Variants in SNX10 observed in about 807,000 individuals in gnomAD.
SNX10 encodes the protein sorting nexin-10.
Under a neutral mutation model 28.5 loss-of-function variants are expected in SNX10, and 25 were observed. The observed-to-expected ratio is 0.88, with a 90% CI of 0.64 to 1.22. The LOEUF (loss-of-function observed/expected upper bound fraction) is 1.22, where lower values mean the gene tolerates loss of function less well. Among genes scored for constraint, SNX10 ranks in the 50% most tolerant of loss-of-function variants. The pLI, the probability that SNX10 is intolerant of heterozygous loss-of-function variation, is 0.00. For synonymous variants in SNX10, 62 were observed against 81.4 expected (o/e 0.76, Z 1.28); for missense variants, 223 against 242.6 (o/e 0.92, Z 0.54).
At chr7:26,315,262 C>A (rs4722590) in intron 1 of SNX10, among the ~76,000 whole-genome samples, 51,358 of 152,072 alleles carry the variant, frequency 0.34, 10,713 homozygotes, top group South Asian at 0.48. Context: ...TTCTAGATAA[C>A]TATAATGCCA....
chr7:26,364,634 G>A lies in SNX10; in HGVS notation c.211G>A (p.Val71Ile), dbSNP rs772143708. Reference sequence around the variant, plus strand: ...GAGACTCCAAAGTAATGCGTTGCTGGTGTAAGTGATTTAGAGTATACTGTG... The same window carrying A: ...GAGACTCCAAAGTAATGCGTTGCTGATGTAAGTGATTTAGAGTATACTGTG... Reference protein sequence around the residue: ...RQRLQSNALLVQLPELPSKNL... With the variant: ...RQRLQSNALLIQLPELPSKNL... The change falls in exon 4 of 7, where the codon GTA (valine) becomes ATA (isoleucine). Residue 71 changes from valine (V) to isoleucine (I), a missense_variant and splice_region_variant. By Grantham distance (29) the Val-to-Ile change is conservative. Transcript: ENST00000338523. This position sits in a 1 kb window ranked among gnomAD's most constrained non-coding sequence, Gnocchi z 4.9. 7 of 1,607,226 alleles carry A rather than the reference G, an allele frequency of 4.4e-6. No individual in the cohort carries two copies. Among genetic ancestry groups the A allele is most frequent in the Non-Finnish European group, 6.0e-6 (7 of 1,173,962 alleles).
intron 1 of SNX10, among the ~76,000 whole-genome samples, chr7:26,325,329 T>TATATATATATATATATATATG (rs1345177484): frequency 6.7e-5 from 1 of 14,970 alleles, no homozygotes; most frequent in Non-Finnish European, 2.9e-4. Context: ...ATATATATAT[T>TATATATATATATATATATATG]TGAGATGGAG....
chr7:26,315,686 A>G (rs1259420317), intron 1 of SNX10, among the ~76,000 whole-genome samples: 1 of 152,054 alleles, frequency 6.6e-6, no homozygotes, highest in Non-Finnish European at 1.5e-5. Context: ...AAAAAATTGC[A>G]AAATACTTGA....
intron 2 of SNX10, among the ~76,000 whole-genome samples, chr7:26,350,496 G>A (rs145325030): frequency 2.0e-5 from 3 of 152,210 alleles, no homozygotes; most frequent in African/African-American, 7.2e-5. Flanking sequence ...TTTGATATTC[G>A]GAAACTGACT....
At chr7:26,370,210 C>T (rs949350925) in intron 5 of SNX10, among the ~76,000 whole-genome samples, 3 of 152,184 alleles carry the variant, frequency 2.0e-5, no homozygotes, top group Non-Finnish European at 1.5e-5. Context: ...GATCCAAGTT[C>T]GTATTAATGG....
chr7:26,295,686 C>G (rs1786080325), intron 1 of SNX10, among the ~76,000 whole-genome samples: 1 of 152,188 alleles, frequency 6.6e-6, no homozygotes, highest in Non-Finnish European at 1.5e-5. Context: ...CCAGAGACCC[C>G]CAGCTCTCTC....
intron 1 of SNX10, among the ~76,000 whole-genome samples, chr7:26,296,025 C>A (rs536807697): frequency 6.6e-6 from 1 of 152,294 alleles, no homozygotes; most frequent in Admixed American, 6.5e-5. Flanking sequence ...GTCCCAGTTA[C>A]TTAAGAGGCT....
intron 1 of SNX10, among the ~76,000 whole-genome samples, chr7:26,345,849 A>G (rs1035882302): frequency 6.6e-6 from 1 of 152,322 alleles, no homozygotes; most frequent in Middle Eastern, 3.4e-3. Context: ...TGACAACCCC[A>G]GAGACATGCA....
intron 2 of SNX10, among the ~76,000 whole-genome samples, chr7:26,346,880 A>G (rs529614577): frequency 6.6e-6 from 1 of 152,314 alleles, no homozygotes; most frequent in East Asian, 1.9e-4. Context: ...TTGGTTTCAT[A>G]CAACACTGGC....
rs6966124 is a variant in SNX10, at chr7:26,328,077, G to A, written c.-23-18343G>A. ...AATCATTTACTGAACCACTTGCTAAGTATGTTGGGCCCTACCAATGGAATG... is the reference window on the plus strand; with the variant it reads ...AATCATTTACTGAACCACTTGCTAAATATGTTGGGCCCTACCAATGGAATG... On this transcript the variant is annotated intron_variant, in intron 1 of 6. Coordinates refer to ENST00000338523, the MANE Select transcript of SNX10 (RefSeq NM_013322.3). Among the ~76,000 whole-genome samples the A allele has an allele frequency of 3.6e-3, 552 of 152,250 alleles. 3 individuals are homozygous for A. Among genetic ancestry groups the A allele is most frequent in the African/African-American group, 0.013 (527 of 41,538 alleles).
At chr7:26,324,487 G>A (rs1404213686) in intron 1 of SNX10, among the ~76,000 whole-genome samples, 1 of 152,178 alleles carries the variant, frequency 6.6e-6, no homozygotes, top group East Asian at 1.9e-4. Context: ...AGCCTCCCAA[G>A]TAACTGGGAC....
At chr7:26,365,523 A>G (rs1301680971) in intron 5 of SNX10, among the ~76,000 whole-genome samples, 1 of 152,246 alleles carries the variant, frequency 6.6e-6, no homozygotes, top group Non-Finnish European at 1.5e-5. Flanking sequence ...CTTAGAATTT[A>G]CAGACCAAAA....
chr7:26,312,014 G>C (rs1048303412), intron 1 of SNX10, among the ~76,000 whole-genome samples: 7 of 152,062 alleles, frequency 4.6e-5, no homozygotes, highest in African/African-American at 1.7e-4. Flanking sequence ...GTCTTGCACT[G>C]CCTGCCTCGT....
chr7:26,326,411 G>C (rs1229564866), intron 1 of SNX10, among the ~76,000 whole-genome samples: 1 of 152,040 alleles, frequency 6.6e-6, no homozygotes, highest in African/African-American at 2.4e-5. Context: ...CTCCCCATCC[G>C]AGTCCAGTGA....
At chr7:26,317,670 T>C (rs1263106745) in intron 1 of SNX10, among the ~76,000 whole-genome samples, 1 of 149,496 alleles carries the variant, frequency 6.7e-6, no homozygotes, top group East Asian at 1.9e-4. Context: ...TTTTTTTTTT[T>C]TTTTTTTTTT....
chr7:26,346,459 A>T lies in SNX10; in HGVS notation c.17A>T (p.Gln6Leu), dbSNP rs746225375. The T allele has an allele frequency of 1.2e-6, 2 of 1,607,204 alleles. No individual in the cohort carries two copies. The highest frequency in any genetic ancestry group is 1.7e-6 in the Non-Finnish European group (2 of 1,173,680). MFPEQ[Q>L]KEEFVSVWVR... ...GTGCTGAAGATGTTTCCGGAACAAC[A>T]GAAAGAGGTATGTCATCACAAATCC... Residue 6 changes from glutamine to leucine, a missense_variant, in exon 2 of 7, where the codon CAG (glutamine) becomes CTG (leucine). By Grantham distance (113) the Gln-to-Leu change is moderately radical (BLOSUM62 -2). Transcript: ENST00000338523.
intron 3 of SNX10, among the ~76,000 whole-genome samples, chr7:26,363,992 G>A (rs1339872808): frequency 6.6e-6 from 1 of 152,132 alleles, no homozygotes; most frequent in African/African-American, 2.4e-5. Context: ...TGGCTCGGAC[G>A]GACACGCTCC....
intron 1 of SNX10, among the ~76,000 whole-genome samples, chr7:26,310,469 G>A (rs78889585): frequency 1.3e-5 from 2 of 152,216 alleles, no homozygotes; most frequent in East Asian, 3.9e-4. Flanking sequence ...TATAGACTGC[G>A]ACAAAGTCCG....
chr7:26,344,160 A>C (rs1166608276), intron 1 of SNX10, among the ~76,000 whole-genome samples: 2 of 123,946 alleles, frequency 1.6e-5, no homozygotes, highest in African/African-American at 3.1e-5. Flanking sequence ...CCACCATTCT[A>C]CTTTCTGTCT....
Sources: allele counts gnomAD v4.1 joint callset (sites outside exome capture counted in the v4.1 genomes callset), GRCh38; gene constraint gnomAD v4.1.1; non-coding constraint Gnocchi (gnomAD v3.1); transcripts MANE v1.5; gene names NCBI Gene and HGNC (gene_info 2026-07-23, HGNC 2026-07-21).